DOCK8: variants seen among roughly 807,000 people sequenced by gnomAD.
The protein encoded by DOCK8 is dedicator of cytokinesis protein 8.
In DOCK8, 141 loss-of-function variants were observed where a neutral mutation model predicts 245.6. The observed-to-expected ratio is 0.57, with a 90% CI of 0.50 to 0.66. DOCK8 has a LOEUF of 0.66. Ranked by LOEUF, DOCK8 falls within the 30% of genes least tolerant of loss-of-function variation. The pLI is 0.00. For missense variants in DOCK8, 2,965 were observed against 2,603.4 expected (o/e 1.14, Z -3.02); for synonymous variants, 1,168 against 970.2 (o/e 1.20, Z -3.79).
chr9:322,572 G>C (rs540489110), intron 7 of DOCK8, among the ~76,000 whole-genome samples: 45 of 150,670 alleles, frequency 3.0e-4, no homozygotes, highest in African/African-American at 1.1e-3. Context: ...GCATTACGCT[G>C]TAGTTGTGTA....
chr9:359,978 T>C (rs2052642741), intron 14 of DOCK8, among the ~76,000 whole-genome samples: 1 of 152,190 alleles, frequency 6.6e-6, no homozygotes, highest in Non-Finnish European at 1.5e-5. Context: ...ATGTTGCTAG[T>C]AGTTTACTAT....
At chr9:359,344 A>G (rs879288402) in intron 14 of DOCK8, among the ~76,000 whole-genome samples, 22 of 152,346 alleles carry the variant, frequency 1.4e-4, no homozygotes, top group Non-Finnish European at 2.9e-4. Context: ...GTTACCTGGT[A>G]CAAGTTAATG....
chr9:465,159 G>C lies in DOCK8; in HGVS notation c.*940G>C, dbSNP rs2057931327. The C allele has an allele frequency of 6.6e-6, 1 of 152,640 alleles. No individual in the cohort carries two copies. Among genetic ancestry groups the C allele is most frequent in the Non-Finnish European group, 1.5e-5 (1 of 68,034 alleles). The allele number at this position is 152,640 out of a possible 1,614,324, so 9.5% of individuals were successfully genotyped here. ...TTTTGACAAAGGACTTTAGGAAAAA[G>C]AGGAACAAAGACATTATTTGAGAAT... On this transcript the variant is annotated 3_prime_UTR_variant, in exon 48 of 48. Coordinates refer to ENST00000432829, the MANE Select transcript of DOCK8 (RefSeq NM_203447.4).
chr9:371,300 G>A (rs779876662), intron 16 of DOCK8, 128 bp from the exon 17 acceptor site: 19 of 1,060,318 alleles, frequency 1.8e-5, no homozygotes, highest in Non-Finnish European at 2.7e-5. Flanking sequence ...CTTCAGAGCA[G>A]AGTAATGTAA....
intron 35 of DOCK8, among the ~76,000 whole-genome samples, chr9:429,361 C>G (rs985475503): frequency 2.6e-5 from 4 of 152,314 alleles, no homozygotes; most frequent in Middle Eastern, 3.4e-3. Flanking sequence ...CTTCTCAGGA[C>G]CATTTTCTCT....
At chr9:411,431 A>G (rs938663204) in intron 28 of DOCK8, among the ~76,000 whole-genome samples, 1 of 151,894 alleles carries the variant, frequency 6.6e-6, no homozygotes, top group Non-Finnish European at 1.5e-5. Flanking sequence ...AATAATAATA[A>G]TAATATATTT....
At chr9:450,452 T>A (rs1339738954) in intron 45 of DOCK8, among the ~76,000 whole-genome samples, 1 of 152,170 alleles carries the variant, frequency 6.6e-6, no homozygotes, top group Non-Finnish European at 1.5e-5. Context: ...GATCTTCCTA[T>A]CAGACTTCTT....
rs770237182 is a variant in DOCK8 at position 420,507 on chromosome 9, T to C, written c.3947T>C (p.Ile1316Thr). 9.3e-6 allele frequency: 15 copies of C among 1,614,052 alleles called. No individual in the cohort carries two copies. The highest frequency in any genetic ancestry group is 5.3e-5 in the African/African-American group (4 of 74,912). Residue 1316 changes from isoleucine (I) to threonine (T), a missense_variant, in exon 31 of 48, where the codon ATT becomes ACT. Transcript: ENST00000432829. ...NADQSLIRKW[I>T]ADLPSTQLNR... ...GATCAGAGCCTCATTAGGAAGTGGA[T>C]TGCTGACCTGCCATCAACGCAGCTC...
At chr9:386,233 T>A in intron 22 of DOCK8, 98 bp from the exon 23 acceptor site, 2 of 1,008,634 alleles carry the variant, frequency 2.0e-6, no homozygotes, top group South Asian at 1.4e-5. Flanking sequence ...GGAAAAAAAA[T>A]ATGTATAAAA....
chr9:332,648 C>CTTTTTTTTTTTTTTTTTTTTTT lies in DOCK8; in HGVS notation c.1125+176_1125+197dup, dbSNP rs35539095. ...AAAGAAAACTGGTCACCGATGATGA[C>CTTTTTTTTTTTTTTTTTTTTTT]TTTTTTTTTTTTTTTTTTTTTTTTT... On this transcript the variant is annotated intron_variant, in intron 10 of 47. Coordinates refer to ENST00000432829, the MANE Select transcript of DOCK8 (RefSeq NM_203447.4). Among the ~76,000 whole-genome samples the CTTTTTTTTTTTTTTTTTTTTTT allele has an allele frequency of 3.1e-5, 2 of 63,942 alleles. 1 individual carries two copies. Among genetic ancestry groups the CTTTTTTTTTTTTTTTTTTTTTT allele is most frequent in the African/African-American group, 1.4e-4 (2 of 14,696 alleles). The allele number at this position is 63,942 out of a possible 152,430, so 41.9% of individuals were successfully genotyped here. A position where few individuals can be genotyped will look rare whatever the true frequency, so the allele number is the denominator to read the frequency against.
intron 2 of DOCK8, among the ~76,000 whole-genome samples, chr9:274,708 A>T (rs1455725776): frequency 6.6e-6 from 1 of 152,172 alleles, no homozygotes. Flanking sequence ...ACATGTCGGT[A>T]AGATTCATTT....
At chr9:451,966 T>TGCATATAC in intron 45 of DOCK8, 45 bp from the exon 46 acceptor site, 1 of 383,278 alleles carries the variant, frequency 2.6e-6, no homozygotes, top group Non-Finnish European at 4.3e-6. Context: ...TATATATATA[T>TGCATATAC]ATATATATAT....
intron 2 of DOCK8, among the ~76,000 whole-genome samples, chr9:276,255 C>G (rs1002647348): frequency 1.3e-5 from 2 of 152,148 alleles, no homozygotes; most frequent in Admixed American, 1.3e-4. Context: ...AAAGGTAACA[C>G]TTATTTTGCC....
chr9:396,752 C>G, intron 24 of DOCK8, 33 bp from the exon 25 acceptor site: 4 of 1,613,820 alleles, frequency 2.5e-6, no homozygotes, highest in Non-Finnish European at 3.4e-6. Context: ...TCACCAATCT[C>G]CATGTTGACA....
Position 440,321 on chromosome 9 carries a change from G to C in DOCK8, c.5223+933G>C, listed in dbSNP as rs867253663. ...AGGTGTGAGCCACCACGCCCAACTT[G>C]TTTTCATTTTAATAATCTCCCTCCT... On this transcript the variant is annotated intron_variant, in intron 40 of 47. Coordinates refer to ENST00000432829, the MANE Select transcript of DOCK8 (RefSeq NM_203447.4). 2.6e-5 allele frequency among the ~76,000 whole-genome samples: 4 copies of C among 152,184 alleles called. No individual in the cohort carries two copies. In the Middle Eastern group the frequency reaches 0.01, roughly 388 times the overall value.
Position 464,577 on chromosome 9 carries a change from T to C in DOCK8, c.*358T>C, listed in dbSNP as rs575018514. On this transcript the variant is annotated 3_prime_UTR_variant, in exon 48 of 48. Transcript: ENST00000432829. ...TCCTCTGGCCCATATTTGAATTTAT[T>C]GGAGTAACTCAAATTGCCTGAGGAA... The C allele has an allele frequency of 3.1e-6, 1 of 323,904 alleles. No individual in the cohort carries two copies. The highest frequency in any genetic ancestry group is 2.1e-5 in the African/African-American group (1 of 47,304). 20.1% of individuals were successfully genotyped at this position (323,904 alleles called of 1,614,324 possible).
intron 1 of DOCK8, among the ~76,000 whole-genome samples, chr9:252,601 A>T (rs2131469372): frequency 6.6e-6 from 1 of 152,080 alleles, no homozygotes; most frequent in African/African-American, 2.4e-5. Context: ...TCAGGAGTTC[A>T]AGAGCAGCCT....
intron 6 of DOCK8, among the ~76,000 whole-genome samples, chr9:315,230 C>T (rs778631798): frequency 2.6e-5 from 4 of 152,158 alleles, no homozygotes; most frequent in Non-Finnish European, 4.4e-5. Context: ...CTCTTTCTCT[C>T]TCATTATCTC....
intron 29 of DOCK8, among the ~76,000 whole-genome samples, chr9:416,178 C>G (rs1399373729): frequency 2.6e-5 from 4 of 152,186 alleles, no homozygotes; most frequent in Non-Finnish European, 5.9e-5. Context: ...GCTCAGCACA[C>G]AGGGCTGAGC....
Sources: gnomAD v4.1 joint callset for allele counts (sites outside exome capture counted in the v4.1 genomes callset) on GRCh38, gnomAD v4.1.1 for gene constraint, MANE v1.5 for transcripts, NCBI Gene and HGNC (gene_info 2026-07-23, HGNC 2026-07-21) for gene names.